The following LDB2 variants were observed in gnomAD, a reference collection of about 807,000 sequenced individuals.
LDB2 encodes LIM domain-binding protein 2.
In LDB2, 12 loss-of-function variants were observed where a neutral mutation model predicts 44.3. The observed-to-expected ratio is 0.27, with a 90% CI of 0.17 to 0.44. The LOEUF is 0.44. Ranked by LOEUF, LDB2 falls within the 20% of genes least tolerant of loss-of-function variation. LDB2 has a pLI of 1.00. For missense variants in LDB2, 344 were observed against 473.5 expected, an observed-to-expected ratio of 0.73 and a Z score of 2.54; for synonymous variants, 164 against 174.8, an observed-to-expected ratio of 0.94 and a Z score of 0.49.
At chr4:16,605,960 A>ATGTCTT (rs1381356427) in intron 2 of LDB2, among the ~76,000 whole-genome samples, 76 of 152,260 alleles carry the variant, frequency 5.0e-4, no homozygotes, top group Admixed American at 1.3e-3. Context: ...TGGAATATCA[A>ATGTCTT]ACTTTATTTG....
chr4:16,538,541 A>G (rs1732643675), intron 5 of LDB2, among the ~76,000 whole-genome samples: 1 of 152,158 alleles, frequency 6.6e-6, no homozygotes, highest in Non-Finnish European at 1.5e-5. Flanking sequence ...TTGGTTCATC[A>G]GTTCTGATGT....
chr4:16,589,298 A>G (rs142125783), intron 3 of LDB2, among the ~76,000 whole-genome samples: 415 of 152,316 alleles, frequency 2.7e-3, no homozygotes, highest in African/African-American at 9.4e-3. Context: ...GACTGGAGGA[A>G]GTTTTTATTT....
intron 1 of LDB2, among the ~76,000 whole-genome samples, chr4:16,873,717 G>A (rs1034901297): frequency 2.6e-5 from 4 of 151,874 alleles, no homozygotes; most frequent in African/African-American, 9.7e-5. Flanking sequence ...TGGTGGCAAA[G>A]TTTTTTTTCA....
At chr4:16,723,737 C>T (rs931493974) in intron 2 of LDB2, among the ~76,000 whole-genome samples, 11 of 152,060 alleles carry the variant, frequency 7.2e-5, no homozygotes, top group African/African-American at 1.9e-4. Flanking sequence ...GAGTTTTCTG[C>T]CCTCTTGCCT....
chr4:16,875,051 G>C (rs1717945560), intron 1 of LDB2, among the ~76,000 whole-genome samples: 1 of 152,182 alleles, frequency 6.6e-6, no homozygotes, highest in Admixed American at 6.5e-5. Flanking sequence ...TAGGCAGGAA[G>C]GAAGCTAGAG....
At chr4:16,518,067 G>C (rs1724530510) in intron 5 of LDB2, among the ~76,000 whole-genome samples, 1 of 152,196 alleles carries the variant, frequency 6.6e-6, no homozygotes, top group African/African-American at 2.4e-5. Context: ...AAAATGCTTT[G>C]CACAATGCAT....
intron 6 of LDB2, among the ~76,000 whole-genome samples, chr4:16,511,385 G>A (rs1721681672): frequency 1.3e-5 from 2 of 152,154 alleles, no homozygotes; most frequent in African/African-American, 4.8e-5. Flanking sequence ...TTCTAGGGAA[G>A]TGAGGGAAAT....
intron 5 of LDB2, among the ~76,000 whole-genome samples, chr4:16,573,563 G>C (rs183226699): frequency 6.6e-6 from 1 of 152,184 alleles, no homozygotes; most frequent in East Asian, 1.9e-4. Context: ...GTACCAGACA[G>C]TTTAAAAGCC....
At chr4:16,757,756 G>A (rs906801288) in intron 2 of LDB2, among the ~76,000 whole-genome samples, 1 of 152,138 alleles carries the variant, frequency 6.6e-6, no homozygotes, top group Non-Finnish European at 1.5e-5. Flanking sequence ...AGGGACTTCT[G>A]AAACACCTCT....
chr4:16,603,798 A>G (rs897431465), intron 2 of LDB2, among the ~76,000 whole-genome samples: 9 of 152,198 alleles, frequency 5.9e-5, no homozygotes, highest in South Asian at 2.1e-4. Context: ...CAATCTTCCT[A>G]TAAAGGAATA....
At chr4:16,697,199 C>T (rs1055209110) in intron 2 of LDB2, among the ~76,000 whole-genome samples, 52 of 151,402 alleles carry the variant, frequency 3.4e-4, no homozygotes, top group African/African-American at 1.2e-3. Flanking sequence ...CTGAGGCGGG[C>T]GGATCACGAG....
intron 2 of LDB2, among the ~76,000 whole-genome samples, chr4:16,726,938 A>T (rs1165759555): frequency 6.6e-6 from 1 of 152,224 alleles, no homozygotes; most frequent in East Asian, 1.9e-4. Flanking sequence ...ACATATGTAC[A>T]TTATGTGTGT....
intron 1 of LDB2, among the ~76,000 whole-genome samples, chr4:16,777,074 G>A (rs1772088066): frequency 6.6e-6 from 1 of 152,156 alleles, no homozygotes; most frequent in African/African-American, 2.4e-5. Flanking sequence ...CACTCATTTA[G>A]AATAAAATCC....
At chr4:16,675,906 C>T (rs1187005361) in intron 2 of LDB2, among the ~76,000 whole-genome samples, 1 of 152,112 alleles carries the variant, frequency 6.6e-6, no homozygotes, top group African/African-American at 2.4e-5. Flanking sequence ...ACATGGAATT[C>T]CATTAAATGA....
intron 1 of LDB2, among the ~76,000 whole-genome samples, chr4:16,873,181 G>A (rs529136146): frequency 6.6e-6 from 1 of 152,302 alleles, no homozygotes; most frequent in East Asian, 1.9e-4. Context: ...GGAGCCTTGG[G>A]ATGATAAGCT....
At chr4:16,889,497 T>A (rs1025729367) in intron 1 of LDB2, 1 of 152,158 alleles carries the variant, frequency 6.6e-6, no homozygotes, top group African/African-American at 2.4e-5. Flanking sequence ...GGGCTTCTTT[T>A]TCCTTTGGGC....
intron 2 of LDB2, among the ~76,000 whole-genome samples, chr4:16,699,808 A>G (rs1221736473): frequency 6.6e-6 from 1 of 152,204 alleles, no homozygotes; most frequent in Admixed American, 6.5e-5. Context: ...GAACACAGAC[A>G]TGTGCCTCAG....
intron 1 of LDB2, among the ~76,000 whole-genome samples, chr4:16,877,598 T>C (rs972145464): frequency 1.3e-5 from 2 of 152,210 alleles, no homozygotes; most frequent in African/African-American, 4.8e-5. Context: ...GAGAAATCAA[T>C]TACTTTCTGT....
At chr4:16,544,580 G>A (rs1021023060) in intron 5 of LDB2, among the ~76,000 whole-genome samples, 2 of 152,158 alleles carry the variant, frequency 1.3e-5, no homozygotes, top group African/African-American at 4.8e-5. Context: ...AAGGGGAGAG[G>A]TTTTGGATCC....
Sources: allele counts gnomAD v4.1 joint callset (sites outside exome capture counted in the v4.1 genomes callset), GRCh38; gene constraint gnomAD v4.1.1; transcripts MANE v1.5; gene names NCBI Gene and HGNC (gene_info 2026-07-23, HGNC 2026-07-21).